WASHC2C: variants seen among roughly 807,000 people sequenced by gnomAD.
WASHC2C encodes WASH complex subunit 2C, also known as Vaccinia Penetration Factor.
In WASHC2C, 73 loss-of-function variants were observed where a neutral mutation model predicts 142.2. The ratio of observed to expected loss-of-function variants is 0.51; its 90% confidence interval spans 0.43 to 0.62. The LOEUF is 0.62. WASHC2C is among the 20% of genes least tolerant of loss of function. The probability of loss-of-function intolerance (pLI) is 0.00; values close to 1 mark genes in which losing one functional copy is unlikely to be tolerated. For missense variants in WASHC2C, 969 were observed against 1,531.7 expected, an observed-to-expected ratio of 0.63 and a Z score of 6.13; for synonymous variants, 337 against 565.5, an observed-to-expected ratio of 0.60 and a Z score of 5.73.
upstream of WASHC2C, chr10:45,727,230 G>T: frequency 1.3e-6 from 2 of 1,518,798 alleles, no homozygotes; most frequent in South Asian, 2.5e-5. Flanking sequence ...TCACGCCCCG[G>T]GCAGCTTGGC....
At chr10:45,779,502 A>C (rs2135552631) in intron 23 of WASHC2C, among the ~76,000 whole-genome samples, 1 of 152,372 alleles carries the variant, frequency 6.6e-6, no homozygotes, top group South Asian at 2.1e-4. Flanking sequence ...GTTGTAGATG[A>C]ACCTTTCATA....
chr10:45,771,125 G>A lies in WASHC2C; in HGVS notation c.2039+1507G>A, dbSNP rs1273905464. 3.3e-5 allele frequency among the ~76,000 whole-genome samples: 5 copies of A among 152,016 alleles called. No individual in the cohort carries two copies. The East Asian group carries it at 5.8e-4, about 18-fold the overall frequency. ...CTCACGCCTGTAATCCCAGCACTTG[G>A]GGAGGCCGAGGCAGGCAGATCACGA... On this transcript the variant is annotated intron_variant, in intron 20 of 30. Transcript: ENST00000623400.
Position 45,789,419 on chromosome 10 carries a change from G to GA in WASHC2C, c.3639dup (p.Val1214SerfsTer5), listed in dbSNP as rs2058263603. 1 of 1,611,930 alleles carries GA rather than the reference G, an allele frequency of 6.2e-7. No individual in the cohort carries two copies. ...ATGAGGATGACCTCTTTACAGATCAGAAAGTCAAGAAGAATGAGACAAAAT... is the reference window on the plus strand; with the variant it reads ...ATGAGGATGACCTCTTTACAGATCAGAAAAGTCAAGAAGAATGAGACAAAAT... On this transcript the variant is annotated frameshift_variant, in exon 29 of 31. Coordinates refer to ENST00000623400, the MANE Select transcript of WASHC2C (RefSeq NM_001330074.2). LOFTEE classifies it high-confidence loss of function.
chr10:45,740,615 G>T (rs1163494168), intron 5 of WASHC2C, among the ~76,000 whole-genome samples: 1 of 152,152 alleles, frequency 6.6e-6, no homozygotes, highest in African/African-American at 2.4e-5. Context: ...GGTTTGAAGG[G>T]TGGGGAGGCT....
At chr10:45,764,663 TG>T (rs1399345564) in intron 18 of WASHC2C, among the ~76,000 whole-genome samples, 1 of 152,148 alleles carries the variant, frequency 6.6e-6, no homozygotes, top group Non-Finnish European at 1.5e-5. Context: ...ATCAGACCCC[TG>T]GGTTCATATC....
intron 16 of WASHC2C, among the ~76,000 whole-genome samples, chr10:45,758,279 A>C (rs2134937337): frequency 6.6e-6 from 1 of 152,286 alleles, no homozygotes; most frequent in Admixed American, 6.5e-5. Flanking sequence ...TAGGGTGCCC[A>C]CCACACTGCT....
At chr10:45,757,553 T>C (rs1160433325) in intron 16 of WASHC2C, among the ~76,000 whole-genome samples, 1 of 152,124 alleles carries the variant, frequency 6.6e-6, no homozygotes, top group Non-Finnish European at 1.5e-5. Flanking sequence ...TAGAATCTAA[T>C]ATCTAGTCTG....
At chr10:45,727,166 C>T, upstream of WASHC2C, 1 of 1,447,636 alleles carries the variant, frequency 6.9e-7, no homozygotes, top group South Asian at 1.4e-5. Flanking sequence ...CTCAGCATCG[C>T]AGGTCGGATC....
intron 3 of WASHC2C, among the ~76,000 whole-genome samples, chr10:45,736,796 A>G (rs1321714287): frequency 3.9e-5 from 6 of 152,096 alleles, no homozygotes; most frequent in African/African-American, 1.4e-4. Context: ...ATATTGACTT[A>G]AAATTTTAAA....
chr10:45,727,896 C>G (rs2050079501), intron 2 of WASHC2C, among the ~76,000 whole-genome samples: 1 of 152,208 alleles, frequency 6.6e-6, no homozygotes, highest in Admixed American at 6.5e-5. Flanking sequence ...TGTGGATATC[C>G]TTTAATGGGA....
At chr10:45,727,930 AG>A (rs2050086991) in intron 2 of WASHC2C, among the ~76,000 whole-genome samples, 2 of 152,234 alleles carry the variant, frequency 1.3e-5, no homozygotes, top group African/African-American at 4.8e-5. Flanking sequence ...GGGCCCAAAA[AG>A]CTCAGAACTG....
Position 45,765,824 on chromosome 10 carries a change from T to C in WASHC2C, c.1869+14T>C. ...AGTGATGAGGAGGTGAGCTGAGGTT[T>C]CTGCTAAAAAAGAGGGGATTATTTC... On this transcript the variant is annotated intron_variant, in intron 19 of 30. Coordinates refer to ENST00000623400, the MANE Select transcript of WASHC2C (RefSeq NM_001330074.2). 1 of 1,611,710 alleles carries C rather than the reference T, an allele frequency of 6.2e-7. No individual in the cohort carries two copies.
intron 11 of WASHC2C, among the ~76,000 whole-genome samples, 196 bp downstream of exon 11, chr10:45,751,749 G>A (rs1473754905): frequency 1.3e-5 from 2 of 152,152 alleles, no homozygotes; most frequent in Non-Finnish European, 2.9e-5. Flanking sequence ...AGGCCGAGGC[G>A]GGTGGATCAT....
chr10:45,766,024 C>T (rs1164345858), intron 19 of WASHC2C, among the ~76,000 whole-genome samples: 6 of 152,186 alleles, frequency 3.9e-5, no homozygotes, highest in Admixed American at 2.0e-4. Context: ...AAGTATGACT[C>T]CCACACAATA....
At chr10:45,739,681 A>C (rs1232825528) in intron 4 of WASHC2C, among the ~76,000 whole-genome samples, 1 of 151,358 alleles carries the variant, frequency 6.6e-6, no homozygotes, top group Admixed American at 6.6e-5. Flanking sequence ...AAGTCTTAAC[A>C]CCTAAAATTA....
chr10:45,727,699 TCCCCGGCCACCAGGGAGAGGGGCAGA>T (rs1210563868), intron 2 of WASHC2C, among the ~76,000 whole-genome samples, 160 bp downstream of exon 2: 1 of 151,496 alleles, frequency 6.6e-6, no homozygotes, highest in African/African-American at 2.4e-5. Context: ...ACCCTGGCAG[TCCCCGGCCACCAGGGAGAGGGGCAGA>T]CCCTGACCGT....
intron 6 of WASHC2C, 69 bp downstream of exon 6, chr10:45,743,552 T>C: frequency 6.4e-7 from 1 of 1,566,470 alleles, no homozygotes; most frequent in Non-Finnish European, 8.6e-7. Context: ...TTTCAAATTT[T>C]ACATTAAAGT....
chr10:45,763,012 G>T (rs1163689906), intron 17 of WASHC2C, among the ~76,000 whole-genome samples: 4 of 151,814 alleles, frequency 2.6e-5, no homozygotes, highest in Non-Finnish European at 5.9e-5. Flanking sequence ...TTTCTTTATT[G>T]ACCCTGTCTA....
intron 18 of WASHC2C, among the ~76,000 whole-genome samples, chr10:45,763,793 C>A (rs1554881083): frequency 6.6e-6 from 1 of 151,642 alleles, no homozygotes; most frequent in Non-Finnish European, 1.5e-5. Context: ...CTCACTGTAA[C>A]CGGGTTCAGG....
Sources: allele counts gnomAD v4.1 joint callset (sites outside exome capture counted in the v4.1 genomes callset), GRCh38; gene constraint gnomAD v4.1.1; transcripts MANE v1.5; gene names NCBI Gene and HGNC (gene_info 2026-07-23, HGNC 2026-07-21).